The following KHDRBS2 variants were observed in gnomAD, a reference collection of about 807,000 sequenced individuals.
KHDRBS2 encodes the protein KH RNA binding domain containing, signal transduction associated 2, also known as KH domain-containing, RNA-binding, signal transduction-associated protein 2.
In KHDRBS2, 26 loss-of-function variants were observed where a neutral mutation model predicts 44.3. The observed-to-expected ratio is 0.59, with a 90% CI of 0.43 to 0.81. KHDRBS2 has a LOEUF of 0.81. Among genes scored for constraint, KHDRBS2 ranks in the 40% least tolerant of loss-of-function variants. The pLI is 0.00. For missense variants in KHDRBS2, 476 were observed against 433.1 expected (o/e 1.10, Z -0.88); for synonymous variants, 194 against 151.1 (o/e 1.28, Z -2.08).
At chr6:61,957,541 G>A (rs1471559573) in intron 4 of KHDRBS2, among the ~76,000 whole-genome samples, 4 of 152,288 alleles carry the variant, frequency 2.6e-5, no homozygotes, top group South Asian at 4.1e-4. Flanking sequence ...ATAGCTGTGG[G>A]ACGAAATAAG....
intron 3 of KHDRBS2, among the ~76,000 whole-genome samples, chr6:62,016,792 G>A (rs1442880598): frequency 6.6e-6 from 1 of 151,854 alleles, no homozygotes; most frequent in African/African-American, 2.4e-5. Context: ...GTCATAAACA[G>A]TGGCCATAAC....
chr6:62,184,406 A>G (rs1823007460), intron 1 of KHDRBS2, among the ~76,000 whole-genome samples: 1 of 151,836 alleles, frequency 6.6e-6, no homozygotes, highest in East Asian at 1.9e-4. Context: ...TATCTGCATT[A>G]TAACCCTGTA....
At chr6:61,740,182 G>T (rs1423369281) in intron 6 of KHDRBS2, among the ~76,000 whole-genome samples, 1 of 151,914 alleles carries the variant, frequency 6.6e-6, no homozygotes, top group Non-Finnish European at 1.5e-5. Context: ...AAAAGTTGTT[G>T]TTTGAGATTG....
Position 61,732,705 on chromosome 6 carries a change from G to T in KHDRBS2, c.870C>A (p.Asn290Lys). 6.2e-7 allele frequency: 1 copy of T among 1,610,548 alleles called. No individual in the cohort carries two copies. The highest frequency in any genetic ancestry group is 8.5e-7 in the Non-Finnish European group (1 of 1,176,904). Reference protein sequence around the residue: ...YDDQTYETYDNSYATQTQSVP... With the variant: ...YDDQTYETYDKSYATQTQSVP... ...ACCTTTGTGTTTGGGTCGCATAGCT[G>T]TTATCATAAGTCTCATAGGTCTGGT... The change falls in exon 7 of 9, where the codon AAC becomes AAA. Residue 290 changes from asparagine (N) to lysine (K), a missense_variant. Transcript: ENST00000281156.
chr6:61,936,199 T>A (rs1810984896), intron 4 of KHDRBS2, among the ~76,000 whole-genome samples: 1 of 152,118 alleles, frequency 6.6e-6, no homozygotes. Flanking sequence ...TTGCTTCCTC[T>A]CCAGTTCTAT....
chr6:61,574,978 GAAA>G, the KHDRBS2 span, among the ~76,000 whole-genome samples: 1 of 152,136 alleles, frequency 6.6e-6, no homozygotes, highest in Admixed American at 6.6e-5. Context: ...CAAGATGGAT[GAAA>G]AACTTTAAGA....
chr6:62,280,568 G>C (rs763820493), intron 1 of KHDRBS2, among the ~76,000 whole-genome samples: 1 of 152,156 alleles, frequency 6.6e-6, no homozygotes, highest in Non-Finnish European at 1.5e-5. Context: ...GAAGACAGAA[G>C]CCAAACCGAA....
chr6:62,101,692 G>C (rs1262136337), intron 2 of KHDRBS2, among the ~76,000 whole-genome samples: 2 of 152,184 alleles, frequency 1.3e-5, no homozygotes, highest in Admixed American at 1.3e-4. Flanking sequence ...ACAAATGAAA[G>C]AAACATAAGT....
intron 6 of KHDRBS2, among the ~76,000 whole-genome samples, chr6:61,853,201 T>C (rs1036324963): frequency 2.6e-5 from 4 of 152,180 alleles, no homozygotes; most frequent in Admixed American, 2.6e-4. Context: ...TCTTGGGCAT[T>C]ATGTGTTTCA....
intron 6 of KHDRBS2, among the ~76,000 whole-genome samples, chr6:61,816,357 C>T (rs1377825242): frequency 2.6e-5 from 4 of 151,892 alleles, no homozygotes; most frequent in Non-Finnish European, 5.9e-5. Flanking sequence ...GGCTGGTGTC[C>T]TAATATGAAG....
the KHDRBS2 span, among the ~76,000 whole-genome samples, chr6:61,584,579 A>C: frequency 6.6e-6 from 1 of 151,810 alleles, no homozygotes; most frequent in Non-Finnish European, 1.5e-5. Flanking sequence ...ATATTGATGA[A>C]TTTAATTTGC....
chr6:62,216,696 C>CTTTTT lies in KHDRBS2; in HGVS notation c.92-39389_92-39385dup, dbSNP rs562340356. ...TAATCTAAACATATTTCTTTCTCCT[C>CTTTTT]TTTTTTTTTTTTTTGTTTTATTAAG... On this transcript the variant is annotated intron_variant, in intron 1 of 8. Transcript: ENST00000281156. Among the ~76,000 whole-genome samples the CTTTTT allele has an allele frequency of 9.0e-4, 126 of 140,118 alleles. 2 individuals are homozygous for CTTTTT. The highest frequency in any genetic ancestry group is 2.5e-3 in the African/African-American group (95 of 38,496). The allele number at this position is 140,118 out of a possible 152,430, so 91.9% of individuals were successfully genotyped here. A position where few individuals can be genotyped will look rare whatever the true frequency, so the allele number is the denominator to read the frequency against.
At chr6:62,051,241 T>C (rs1354185173) in intron 2 of KHDRBS2, among the ~76,000 whole-genome samples, 1 of 152,042 alleles carries the variant, frequency 6.6e-6, no homozygotes, top group East Asian at 1.9e-4. Context: ...TATTATTTCA[T>C]TGTATGCAAA....
chr6:61,970,404 C>T (rs1771115061), intron 4 of KHDRBS2, among the ~76,000 whole-genome samples: 1 of 151,884 alleles, frequency 6.6e-6, no homozygotes, highest in Non-Finnish European at 1.5e-5. Context: ...AAGAGCAACA[C>T]CTGAGCATAT....
At chr6:61,684,831 T>C (rs1250327223) in intron 8 of KHDRBS2, among the ~76,000 whole-genome samples, 1 of 151,702 alleles carries the variant, frequency 6.6e-6, no homozygotes, top group Non-Finnish European at 1.5e-5. Flanking sequence ...TTAAGTGACT[T>C]GATCCAATTG....
At chr6:61,771,220 C>T (rs1049429124) in intron 6 of KHDRBS2, among the ~76,000 whole-genome samples, 2 of 152,144 alleles carry the variant, frequency 1.3e-5, no homozygotes, top group Non-Finnish European at 2.9e-5. Context: ...TGGTACCAGC[C>T]ACTGCAAAAA....
intron 2 of KHDRBS2, among the ~76,000 whole-genome samples, chr6:62,071,858 T>A (rs1035685343): frequency 6.6e-6 from 1 of 152,134 alleles, no homozygotes; most frequent in African/African-American, 2.4e-5. Context: ...TTTAAAGTAG[T>A]TTTTTCCAAT....
intron 3 of KHDRBS2, among the ~76,000 whole-genome samples, chr6:62,024,220 T>C (rs901278010): frequency 9.8e-4 from 148 of 151,566 alleles, no homozygotes; most frequent in African/African-American, 3.4e-3. Flanking sequence ...AATAACTAAG[T>C]AATGATTTGT....
At chr6:61,907,260 T>G (rs1452947807) in intron 4 of KHDRBS2, among the ~76,000 whole-genome samples, 1 of 151,982 alleles carries the variant, frequency 6.6e-6, no homozygotes, top group African/African-American at 2.4e-5. Context: ...TTATCTGCTT[T>G]TTTCCTATTG....
Sources: allele counts gnomAD v4.1 joint callset (sites outside exome capture counted in the v4.1 genomes callset), GRCh38; gene constraint gnomAD v4.1.1; transcripts MANE v1.5; gene names NCBI Gene and HGNC (gene_info 2026-07-23, HGNC 2026-07-21).